The following CLIP2 variants were observed in gnomAD, a reference collection of about 807,000 sequenced individuals.
CLIP2 encodes CAP-Gly domain containing linker protein 2.
In CLIP2, 41 loss-of-function variants were observed where a neutral mutation model predicts 111.7. The ratio of observed to expected loss-of-function variants is 0.37; its 90% CI spans 0.29 to 0.48. The LOEUF (loss-of-function observed/expected upper bound fraction) is 0.48, where lower values mean the gene tolerates loss of function less well. CLIP2 is among the 20% of genes least tolerant of loss of function. The pLI is 0.99. For missense variants in CLIP2, 1,160 were observed against 1,422.1 expected, an observed-to-expected ratio of 0.82 and a Z score of 2.96; for synonymous variants, 660 against 644.2, an observed-to-expected ratio of 1.02 and a Z score of -0.37.
intron 13 of CLIP2, among the ~76,000 whole-genome samples, chr7:74,394,605 T>C (rs1397313944): frequency 6.6e-6 from 1 of 152,210 alleles, no homozygotes; most frequent in Non-Finnish European, 1.5e-5. Flanking sequence ...CAGACATCCT[T>C]TTGTAAAAGA....
In CLIP2 at chr7:74,338,394, C is replaced by T; in HGVS notation, c.122-54C>T. 6.3e-7 allele frequency: 1 copy of T among 1,577,780 alleles called. No individual in the cohort carries two copies. Among genetic ancestry groups the T allele is most frequent in the South Asian group, 1.2e-5 (1 of 85,886 alleles). On this transcript the variant is annotated intron_variant, in intron 2 of 16. Coordinates refer to ENST00000223398, the MANE Select transcript of CLIP2 (RefSeq NM_003388.5). The surrounding 1 kb of genome is among the most constrained non-coding windows in gnomAD (Gnocchi z 4.3). ...CTAGACTCTGTGCTCCTGGGGCCAC[C>T]CAGGGGCCAGCCCTAACAGCCACCT...
At position 74,357,489 on chromosome 7, in the gene CLIP2, G is replaced by A; in HGVS notation, c.1215+12G>A. 8 of 1,605,674 alleles carry A rather than the reference G, an allele frequency of 5.0e-6. No individual in the cohort carries two copies. Among genetic ancestry groups the A allele is most frequent in the Non-Finnish European group, 4.3e-6 (5 of 1,176,364 alleles). On this transcript the variant is annotated intron_variant, in intron 6 of 16. Coordinates refer to ENST00000223398, the MANE Select transcript of CLIP2 (RefSeq NM_003388.5). ...CACAGCATGAGCAGGTGAGTGGCAG[G>A]TGGGGCTGGGGGCAGAGCTTCTCCA...
intron 13 of CLIP2, among the ~76,000 whole-genome samples, chr7:74,396,756 A>G (rs1791458852): frequency 6.6e-6 from 1 of 151,926 alleles, no homozygotes; most frequent in Non-Finnish European, 1.5e-5. Flanking sequence ...CCTGACCTCA[A>G]ATGATCCGCC....
chr7:74,356,748 A>T, intron 5 of CLIP2, 125 bp downstream of exon 5: 1 of 857,520 alleles, frequency 1.2e-6, no homozygotes, highest in South Asian at 1.6e-5. Context: ...TTTTGAACAA[A>T]GAAGAAAGTG....
intron 14 of CLIP2, 91 bp from the exon 15 acceptor site, chr7:74,400,275 AAGTG>A: frequency 8.9e-7 from 1 of 1,127,482 alleles, no homozygotes. Context: ...CCCAGAGACA[AAGTG>A]AGGCTGGAAG....
chr7:74,293,488 CAG>C (rs1397427846), intron 1 of CLIP2, among the ~76,000 whole-genome samples: 3 of 152,124 alleles, frequency 2.0e-5, no homozygotes, highest in African/African-American at 4.8e-5. Flanking sequence ...TCTTGGGGTG[CAG>C]AGAGACACTG....
intron 2 of CLIP2, among the ~76,000 whole-genome samples, chr7:74,320,018 C>T (rs934517896): frequency 2.1e-5 from 3 of 142,890 alleles, no homozygotes; most frequent in African/African-American, 7.8e-5. Flanking sequence ...GGTTAGGAGA[C>T]CAGCCTGGCC....
rs370282889 is a variant in CLIP2, at chr7:74,311,918, A to T, written c.-67-5562A>T. Among the ~76,000 whole-genome samples the T allele has an allele frequency of 7.6e-3, 693 of 91,442 alleles. 4 individuals carry two copies. The highest frequency in any genetic ancestry group is 0.02 in the African/African-American group (670 of 33,464). The allele number at this position is 91,442 out of a possible 152,430, so 60.0% of individuals were successfully genotyped here. A position where few individuals can be genotyped will look rare whatever the true frequency, so the allele number is the denominator to read the frequency against. On this transcript the variant is annotated intron_variant, in intron 1 of 16. Transcript: ENST00000223398. ...TAGAGCAAGACCACATCTCAAGAAT[A>T]AAAAAAAAAAAAAAGAAAGAAAGAA...
chr7:74,362,845 G>T (rs557188343), intron 7 of CLIP2, among the ~76,000 whole-genome samples: 1 of 152,008 alleles, frequency 6.6e-6, no homozygotes, highest in African/African-American at 2.4e-5. Context: ...ACAAACACAA[G>T]GCATCATGGA....
intron 2 of CLIP2, among the ~76,000 whole-genome samples, chr7:74,336,860 GT>G (rs376463523): frequency 0.064 from 8,912 of 140,000 alleles, 570 homozygotes; most frequent in East Asian, 0.32. Flanking sequence ...TGTTTTTTTT[GT>G]TTTTTTTTTT....
chr7:74,295,976 G>A (rs1040490720), intron 1 of CLIP2, among the ~76,000 whole-genome samples: 10 of 104,818 alleles, frequency 9.5e-5, no homozygotes, highest in South Asian at 3.3e-4. Flanking sequence ...ATGACAGAGT[G>A]AAACCCTGTC....
intron 9 of CLIP2, among the ~76,000 whole-genome samples, chr7:74,374,798 C>T (rs529842733): frequency 9.2e-5 from 14 of 152,134 alleles, no homozygotes; most frequent in Non-Finnish European, 1.9e-4. Context: ...ATGTTTAAAG[C>T]TTGTAATAGA....
At chr7:74,298,929 C>A (rs1447804056) in intron 1 of CLIP2, among the ~76,000 whole-genome samples, 1 of 152,116 alleles carries the variant, frequency 6.6e-6, no homozygotes, top group African/African-American at 2.4e-5. Flanking sequence ...CGTGCAAAAG[C>A]CTGGACGTGT....
At chr7:74,297,033 A>G (rs782170578) in intron 1 of CLIP2, among the ~76,000 whole-genome samples, 29 of 152,278 alleles carry the variant, frequency 1.9e-4, no homozygotes, top group African/African-American at 2.9e-4. Context: ...TGACACAGGT[A>G]TCTGGGCTCC....
At chr7:74,343,872 C>T (rs538422652) in intron 3 of CLIP2, among the ~76,000 whole-genome samples, 1 of 151,994 alleles carries the variant, frequency 6.6e-6, no homozygotes, top group African/African-American at 2.4e-5. Context: ...CACCGCACTC[C>T]AGCCAGGGTG....
At chr7:74,396,445 A>G (rs1791449989) in intron 13 of CLIP2, among the ~76,000 whole-genome samples, 1 of 144,100 alleles carries the variant, frequency 6.9e-6, no homozygotes. Context: ...TTTCTTGGGT[A>G]AATGTTTTGG....
At chr7:74,347,927 C>CCCAG (rs1463470716) in intron 3 of CLIP2, among the ~76,000 whole-genome samples, 1 of 152,128 alleles carries the variant, frequency 6.6e-6, no homozygotes, top group African/African-American at 2.4e-5. Flanking sequence ...CACCTGTAAT[C>CCCAG]CCAGCACTTT....
In CLIP2 at chr7:74,356,603, C is replaced by T. The variant is rs1554308531; in HGVS notation, c.997C>T (p.Arg333Trp). ...VSSVASSVGG[R>W]PSRSGLLTET... ...CTCTGTGGCCTCCTCCGTGGGGGGT[C>T]GGCCCAGCCGCAGTGGCCTGGTGAG... Residue 333 changes from arginine to tryptophan, a missense_variant, in exon 5 of 17, where the codon CGG becomes TGG. By Grantham distance (101) the Arg-to-Trp change is moderately radical (BLOSUM62 -3). Around this residue, in one of 5 missense-constraint regions of CLIP2, gnomAD observed 110 missense variants for 185.2 expected, o/e 0.59. Coordinates refer to ENST00000223398, the MANE Select transcript of CLIP2 (RefSeq NM_003388.5). 3 of 1,613,728 alleles carry T rather than the reference C, an allele frequency of 1.9e-6. No individual in the cohort carries two copies. Among genetic ancestry groups the T allele is most frequent in the South Asian group, 1.1e-5 (1 of 91,026 alleles).
At chr7:74,403,628 A>C (rs575013728) in intron 16 of CLIP2, among the ~76,000 whole-genome samples, 5 of 152,150 alleles carry the variant, frequency 3.3e-5, no homozygotes, top group African/African-American at 1.2e-4. Context: ...TCCGCTTCCC[A>C]TCAGCACCTC....
Sources: allele counts gnomAD v4.1 joint callset (sites outside exome capture counted in the v4.1 genomes callset), GRCh38; gene constraint gnomAD v4.1.1; regional missense constraint gnomAD v4.1.1; non-coding constraint Gnocchi (gnomAD v3.1); transcripts MANE v1.5; gene names NCBI Gene and HGNC (gene_info 2026-07-23, HGNC 2026-07-21).